Variants in PAX7 observed in about 807,000 individuals in gnomAD.
PAX7 encodes the protein paired box protein Pax-7.
A neutral mutation model predicts 50.7 loss-of-function variants in PAX7; 18 were observed. The observed-to-expected ratio is 0.36, with a 90% CI of 0.25 to 0.53. The LOEUF is 0.53. Ranked by LOEUF, PAX7 falls within the 20% of genes least tolerant of loss-of-function variation. The probability of loss-of-function intolerance (pLI) is 0.93; values close to 1 mark genes in which losing one functional copy is unlikely to be tolerated. For synonymous variants in PAX7, 310 were observed against 290.4 expected (o/e 1.07, Z -0.69); for missense variants, 644 against 702.9 (o/e 0.92, Z 0.95).
chr1:18,685,871 A>G (rs1218045693), intron 4 of PAX7, among the ~76,000 whole-genome samples: 1 of 152,072 alleles, frequency 6.6e-6, no homozygotes, highest in Non-Finnish European at 1.5e-5. Flanking sequence ...GGGAGAGATG[A>G]TGGGAGCTGC....
chr1:18,662,264 A>ATCTGGCCAAGCTACTCCT (rs2088610880), intron 4 of PAX7, among the ~76,000 whole-genome samples: 1 of 152,044 alleles, frequency 6.6e-6, no homozygotes, highest in African/African-American at 2.4e-5. Flanking sequence ...CTGCTCTCTG[A>ATCTGGCCAAGCTACTCCT]GCTTTGGTGA....
chr1:18,654,197 C>T (rs1233883727), intron 4 of PAX7, among the ~76,000 whole-genome samples: 1 of 151,320 alleles, frequency 6.6e-6, no homozygotes, highest in African/African-American at 2.4e-5. Context: ...AGTGAGCCCT[C>T]CCCCCACCCG....
intron 4 of PAX7, among the ~76,000 whole-genome samples, chr1:18,667,937 G>A (rs2088693152): frequency 6.6e-6 from 1 of 152,070 alleles, no homozygotes; most frequent in Admixed American, 6.6e-5. Context: ...TCCCAGCTGA[G>A]CCATCAAAGG....
chr1:18,678,670 A>G lies in PAX7; in HGVS notation c.587-13084A>G, dbSNP rs2088856740. ...GAAGATGGCACAGGCAGCAAGTGCCACAGGGATTCAAGCAGAGTTCTCTGG... is the reference window on the plus strand; with the variant it reads ...GAAGATGGCACAGGCAGCAAGTGCCGCAGGGATTCAAGCAGAGTTCTCTGG... On this transcript the variant is annotated intron_variant, in intron 4 of 8. Transcript: ENST00000420770. Among the ~76,000 whole-genome samples, 7 of 152,218 alleles carry G rather than the reference A, an allele frequency of 4.6e-5. No individual in the cohort carries two copies. In the South Asian group the frequency reaches 1.2e-3, roughly 27 times the overall value.
At chr1:18,658,163 C>T (rs1410722752) in intron 4 of PAX7, among the ~76,000 whole-genome samples, 1 of 152,142 alleles carries the variant, frequency 6.6e-6, no homozygotes. Context: ...GGAATTCTGT[C>T]GGTTTTGTGT....
intron 4 of PAX7, among the ~76,000 whole-genome samples, chr1:18,650,503 C>G (rs964813727): frequency 2.0e-5 from 3 of 152,136 alleles, no homozygotes; most frequent in Admixed American, 6.5e-5. Context: ...AGCAGGAGGG[C>G]AGAGGGCGGA....
chr1:18,677,616 C>T (rs554478643), intron 4 of PAX7, among the ~76,000 whole-genome samples: 15 of 152,106 alleles, frequency 9.9e-5, no homozygotes, highest in Admixed American at 8.5e-4. Context: ...TGGGGATAGA[C>T]GGGAAGCTGG....
intron 4 of PAX7, among the ~76,000 whole-genome samples, chr1:18,666,012 TAG>T (rs766949828): frequency 6.6e-6 from 1 of 151,940 alleles, no homozygotes; most frequent in Non-Finnish European, 1.5e-5. Flanking sequence ...AGTTTTCCTG[TAG>T]AAAAAAGAAA....
chr1:18,730,905 TG>T (rs2089638118), intron 7 of PAX7, among the ~76,000 whole-genome samples: 1 of 63,776 alleles, frequency 1.6e-5, no homozygotes, highest in Admixed American at 1.6e-4. Context: ...AGGAAGGGGT[TG>T]GGGGTGGGGT....
chr1:18,641,060 C>T (rs980465742), intron 4 of PAX7, among the ~76,000 whole-genome samples: 2 of 152,278 alleles, frequency 1.3e-5, no homozygotes, highest in Non-Finnish European at 2.9e-5. Flanking sequence ...ATAACTATTA[C>T]AAAGGCAAAC....
chr1:18,672,971 G>T (rs918187481), intron 4 of PAX7, among the ~76,000 whole-genome samples: 1 of 152,106 alleles, frequency 6.6e-6, no homozygotes. Flanking sequence ...GCGCTGATGC[G>T]GGGAAGAGGA....
At chr1:18,730,291 A>T (rs1347747067) in intron 7 of PAX7, among the ~76,000 whole-genome samples, 1 of 152,198 alleles carries the variant, frequency 6.6e-6, no homozygotes, top group Non-Finnish European at 1.5e-5. Flanking sequence ...TCTGGCCCCT[A>T]TGCTGCAGGA....
At chr1:18,718,280 T>C (rs2100362035) in intron 7 of PAX7, among the ~76,000 whole-genome samples, 1 of 151,970 alleles carries the variant, frequency 6.6e-6, no homozygotes, top group Admixed American at 6.6e-5. Flanking sequence ...CAGAGCGGGG[T>C]GCCAGCAGAA....
At chr1:18,742,093 G>A (rs1931163577) in intron 8 of PAX7, among the ~76,000 whole-genome samples, 1 of 150,448 alleles carries the variant, frequency 6.6e-6, no homozygotes, top group Non-Finnish European at 1.5e-5. Context: ...CAAGCTCTCT[G>A]TAAACCCTGG....
intron 7 of PAX7, among the ~76,000 whole-genome samples, chr1:18,716,493 T>C (rs897634968): frequency 1.7e-5 from 1 of 58,240 alleles, no homozygotes; most frequent in Admixed American, 2.1e-4. Flanking sequence ...CACGTCTGTT[T>C]GTTGTTTTTT....
intron 5 of PAX7, among the ~76,000 whole-genome samples, chr1:18,696,136 G>T (rs1466512513): frequency 3.4e-5 from 5 of 147,736 alleles, no homozygotes; most frequent in African/African-American, 1.0e-4. Flanking sequence ...CGCAGTCTCA[G>T]CTCACTGCAA....
chr1:18,737,731 CAT>C (rs1017747854), intron 8 of PAX7, among the ~76,000 whole-genome samples: 2 of 152,242 alleles, frequency 1.3e-5, no homozygotes, highest in African/African-American at 4.8e-5. Context: ...CATGTGCACA[CAT>C]ATATGTAAGT....
chr1:18,714,982 C>T (rs886649906), intron 7 of PAX7, among the ~76,000 whole-genome samples: 6 of 152,238 alleles, frequency 3.9e-5, no homozygotes, highest in African/African-American at 1.4e-4. Flanking sequence ...TAGAGTTTCT[C>T]AGGCCTGTCC....
chr1:18,683,891 G>A (rs1377485879), intron 4 of PAX7, among the ~76,000 whole-genome samples: 2 of 152,294 alleles, frequency 1.3e-5, no homozygotes, highest in East Asian at 1.9e-4. Flanking sequence ...GTGGGTGGTG[G>A]ATGGGTGCTG....
Sources: allele counts gnomAD v4.1 joint callset (sites outside exome capture counted in the v4.1 genomes callset), GRCh38; gene constraint gnomAD v4.1.1; transcripts MANE v1.5; gene names NCBI Gene and HGNC (gene_info 2026-07-23, HGNC 2026-07-21).